Variants in PXT1 observed in about 807,000 individuals in gnomAD.
PXT1 encodes the protein peroxisomal testis enriched protein 1.
Under a neutral mutation model 11.0 loss-of-function variants are expected in PXT1, and 11 were observed. The ratio of observed to expected loss-of-function variants is 1.00; its 90% CI spans 0.63 to 1.66. The LOEUF is 1.66. PXT1 is among the 40% of genes most tolerant of loss of function. The pLI, the probability that PXT1 is intolerant of heterozygous loss-of-function variation, is 0.00. For missense variants in PXT1, 141 were observed against 155.5 expected, an observed-to-expected ratio of 0.91 and a Z score of 0.49; for synonymous variants, 43 against 51.4, an observed-to-expected ratio of 0.84 and a Z score of 0.70.
intron 4 of PXT1, among the ~76,000 whole-genome samples, chr6:36,395,872 G>A (rs1774138757): frequency 6.6e-6 from 1 of 152,024 alleles, no homozygotes; most frequent in Admixed American, 6.5e-5. Flanking sequence ...GTGTGGTGGT[G>A]GGCAACTGTG....
At chr6:36,413,275 G>A (rs780479051) in intron 3 of PXT1, among the ~76,000 whole-genome samples, 1 of 152,078 alleles carries the variant, frequency 6.6e-6, no homozygotes, top group African/African-American at 2.4e-5. Context: ...AAATTAGCTG[G>A]GTGTGGTGGT....
At chr6:36,399,288 G>A (rs1369966250) in intron 4 of PXT1, among the ~76,000 whole-genome samples, 13 of 152,100 alleles carry the variant, frequency 8.5e-5, no homozygotes, top group South Asian at 2.1e-4. Flanking sequence ...TGGGACTACA[G>A]GTGTGTGCCA....
At chr6:36,394,527 G>A (rs1170472574) in intron 4 of PXT1, among the ~76,000 whole-genome samples, 1 of 152,094 alleles carries the variant, frequency 6.6e-6, no homozygotes, top group African/African-American at 2.4e-5. Context: ...AGAAACCACA[G>A]AGGATGGTGT....
At chr6:36,425,800 CA>C in intron 3 of PXT1, 113 bp downstream of exon 3, 1 of 216,040 alleles carries the variant, frequency 4.6e-6, no homozygotes, top group Non-Finnish European at 7.6e-6. Context: ...AAAACAAAAA[CA>C]AAAAATATAT....
intron 3 of PXT1, among the ~76,000 whole-genome samples, chr6:36,413,375 C>T (rs1485636723): frequency 7.9e-5 from 12 of 151,846 alleles, no homozygotes; most frequent in Admixed American, 7.9e-4. Flanking sequence ...AGAGATGTCT[C>T]CACTGCACTC....
chr6:36,415,911 T>C (rs972035436), intron 3 of PXT1, among the ~76,000 whole-genome samples: 1 of 152,110 alleles, frequency 6.6e-6, no homozygotes, highest in African/African-American at 2.4e-5. Context: ...TAAGGAAGTC[T>C]GGAAGAAGTG....
intron 3 of PXT1, among the ~76,000 whole-genome samples, chr6:36,422,486 T>C (rs1774535836): frequency 6.6e-6 from 1 of 152,218 alleles, no homozygotes; most frequent in African/African-American, 2.4e-5. Flanking sequence ...TCACATTATA[T>C]TTAACATTGA....
chr6:36,415,583 AC>A (rs1774435976), intron 3 of PXT1, among the ~76,000 whole-genome samples: 1 of 152,180 alleles, frequency 6.6e-6, no homozygotes, highest in African/African-American at 2.4e-5. Context: ...AATTTGAGTT[AC>A]CAAACTGGAC....
intron 1 of PXT1, 46 bp from the exon 2 acceptor site, chr6:36,438,932 C>T (rs1047461363): frequency 6.6e-6 from 1 of 152,000 alleles, no homozygotes; most frequent in Non-Finnish European, 1.5e-5. Context: ...TCCCCTTGGG[C>T]TTGCGAAATA....
rs1554154110 is a variant in PXT1, at chr6:36,425,800, C to CAAAACAAACAAACAAAAAAAAA, written c.169+113_169+114insTTTTTTTTTGTTTGTTTGTTTT. The CAAAACAAACAAACAAAAAAAAA allele has an allele frequency of 2.1e-4, 45 of 216,698 alleles. 1 individual carries two copies. The highest frequency in any genetic ancestry group is 1.5e-3 in the African/African-American group (44 of 29,790). The allele number at this position is 216,698 out of a possible 1,614,324, so 13.4% of individuals were successfully genotyped here. On this transcript the variant is annotated intron_variant, in intron 3 of 4. Transcript: ENST00000454782. Reference sequence around the variant, plus strand: ...GAGACTCTGTCTCAAAAAACAAAAACAAAAAATATATATATATATATATAT... The same window carrying CAAAACAAACAAACAAAAAAAAA: ...GAGACTCTGTCTCAAAAAACAAAAACAAAACAAACAAACAAAAAAAAAAAAAAATATATATATATATATATAT...
At chr6:36,418,418 T>G (rs532046958) in intron 3 of PXT1, among the ~76,000 whole-genome samples, 2 of 152,288 alleles carry the variant, frequency 1.3e-5, no homozygotes, top group Non-Finnish European at 2.9e-5. Context: ...ACACTGACTT[T>G]GTATTCATTC....
intron 3 of PXT1, among the ~76,000 whole-genome samples, chr6:36,401,220 A>T (rs1407105478): frequency 6.6e-6 from 1 of 152,018 alleles, no homozygotes; most frequent in African/African-American, 2.4e-5. Context: ...TTTTTAAATT[A>T]TACCTAAGTC....
chr6:36,405,959 A>C (rs1774283207), intron 3 of PXT1, among the ~76,000 whole-genome samples: 1 of 152,054 alleles, frequency 6.6e-6, no homozygotes, highest in Non-Finnish European at 1.5e-5. Context: ...GTGTAAGTGC[A>C]CTCTCTGATG....
intron 3 of PXT1, among the ~76,000 whole-genome samples, chr6:36,415,972 A>T (rs1223324315): frequency 6.6e-6 from 1 of 152,112 alleles, no homozygotes; most frequent in Non-Finnish European, 1.5e-5. Flanking sequence ...TGTATATGAA[A>T]CAGGAGACTG....
intron 2 of PXT1, among the ~76,000 whole-genome samples, chr6:36,427,225 A>G (rs537369764): frequency 6.6e-6 from 1 of 151,854 alleles, no homozygotes; most frequent in Non-Finnish European, 1.5e-5. Flanking sequence ...CTGGTCTTAA[A>G]CTGCTGACCT....
chr6:36,433,993 T>G (rs1467265885), intron 2 of PXT1, among the ~76,000 whole-genome samples: 1 of 151,928 alleles, frequency 6.6e-6, no homozygotes, highest in East Asian at 1.9e-4. Flanking sequence ...GTTTAATCTA[T>G]TATAAGTAGT....
At chr6:36,403,520 G>T (rs1284360796) in intron 3 of PXT1, among the ~76,000 whole-genome samples, 1 of 152,164 alleles carries the variant, frequency 6.6e-6, no homozygotes, top group East Asian at 1.9e-4. Flanking sequence ...GAGAGGGCAG[G>T]TGTGGAAGGC....
At chr6:36,397,492 C>T (rs1035501759) in intron 4 of PXT1, among the ~76,000 whole-genome samples, 1 of 152,118 alleles carries the variant, frequency 6.6e-6, no homozygotes, top group Non-Finnish European at 1.5e-5. Flanking sequence ...AGACTCTTAA[C>T]TAAAATGTAT....
intron 3 of PXT1, among the ~76,000 whole-genome samples, chr6:36,422,476 T>C (rs1166111751): frequency 6.6e-6 from 1 of 152,216 alleles, no homozygotes; most frequent in African/African-American, 2.4e-5. Context: ...TTAGCACTTA[T>C]CACATTATAT....
Sources: gnomAD v4.1 joint callset for allele counts (sites outside exome capture counted in the v4.1 genomes callset) on GRCh38, gnomAD v4.1.1 for gene constraint, MANE v1.5 for transcripts, NCBI Gene and HGNC (gene_info 2026-07-23, HGNC 2026-07-21) for gene names.